Variants in MCC observed in about 807,000 individuals in gnomAD.
MCC encodes the protein colorectal mutant cancer protein.
In MCC, 90 loss-of-function variants were observed where a neutral mutation model predicts 116.2. That is an observed-to-expected ratio of 0.77 (90% CI 0.65 to 0.92). The LOEUF is 0.92. MCC is among the 40% of genes least tolerant of loss of function. MCC has a pLI of 0.00. For synonymous variants in MCC, 578 were observed against 510.5 expected (o/e 1.13, Z -1.78); for missense variants, 1,516 against 1,312.2 (o/e 1.16, Z -2.40).
intron 11 of MCC, among the ~76,000 whole-genome samples, chr5:113,080,815 C>CAAAAAAAAA (rs1236332931): frequency 4.5e-5 from 5 of 110,702 alleles, no homozygotes; most frequent in Non-Finnish European, 3.7e-5. Flanking sequence ...ACAACAACAA[C>CAAAAAAAAA]AAAAAAAAAA....
At chr5:113,459,825 A>AACACACACACACAC (rs5870543) in intron 1 of MCC, among the ~76,000 whole-genome samples, 2,343 of 147,586 alleles carry the variant, frequency 0.016, 42 homozygotes, top group Middle Eastern at 0.031. Context: ...CGCTATGGAA[A>AACACACACACACAC]ACACACACAC....
chr5:113,212,115 G>A (rs960402343), intron 3 of MCC, among the ~76,000 whole-genome samples: 20 of 152,066 alleles, frequency 1.3e-4, no homozygotes, highest in Admixed American at 1.2e-3. Context: ...AAAAACTAAT[G>A]GCTGTTTGAT....
chr5:113,155,228 T>A lies in MCC; in HGVS notation c.628-3806A>T, dbSNP rs1339903512. Among the ~76,000 whole-genome samples, 4 of 152,246 alleles carry A rather than the reference T, an allele frequency of 2.6e-5. No individual in the cohort carries two copies. The East Asian group carries it at 7.7e-4, about 29-fold the overall frequency. On this transcript the variant is annotated intron_variant, in intron 3 of 18. Coordinates refer to ENST00000408903, the MANE Select transcript of MCC (RefSeq NM_001085377.2). ...AATGACAGGATTTCACTCTTTATTA[T>A]GGCTGAATAATATTCCACTGTGCAT...
At chr5:113,116,170 C>T (rs996365559) in intron 6 of MCC, among the ~76,000 whole-genome samples, 5 of 152,178 alleles carry the variant, frequency 3.3e-5, no homozygotes, top group Admixed American at 6.5e-5. Flanking sequence ...CCTCCATTAG[C>T]ACTCATCCCA....
At chr5:113,458,295 G>A (rs575615006) in intron 1 of MCC, among the ~76,000 whole-genome samples, 2 of 152,110 alleles carry the variant, frequency 1.3e-5, no homozygotes, top group South Asian at 2.1e-4. Flanking sequence ...GCGAGACCAT[G>A]AGCCCACCGG....
At chr5:113,145,767 CACACACACACACACACAA>C (rs149667534) in intron 4 of MCC, among the ~76,000 whole-genome samples, 20,450 of 71,988 alleles carry the variant, frequency 0.28, 1,701 homozygotes, top group East Asian at 0.37. Context: ...CACACACACA[CACACACACACACACACAA>C]ACACACACAC....
chr5:113,115,709 A>C (rs941828238), intron 6 of MCC, among the ~76,000 whole-genome samples: 1 of 152,044 alleles, frequency 6.6e-6, no homozygotes, highest in Non-Finnish European at 1.5e-5. Context: ...TCTGCCAGAA[A>C]AGTTCTGTTT....
In MCC at chr5:113,098,687, T is replaced by G. The variant is rs181096042; in HGVS notation, c.1398+3052A>C. ...ATTAAAGATCTAATTTAATTAAATC[T>G]TGAACAAAGCTCAGAAGACCTACAG... is the stretch of plus-strand genomic sequence containing the variant. On this transcript the variant is annotated intron_variant, in intron 8 of 18. Transcript: ENST00000408903. Among the ~76,000 whole-genome samples, 357 of 152,320 alleles carry G rather than the reference T, an allele frequency of 2.3e-3. 2 individuals are homozygous for G. Among genetic ancestry groups the G allele is most frequent in the African/African-American group, 7.3e-3 (303 of 41,568 alleles).
chr5:113,040,712 A>C (rs1751648402), intron 17 of MCC, among the ~76,000 whole-genome samples: 1 of 152,134 alleles, frequency 6.6e-6, no homozygotes, highest in African/African-American at 2.4e-5. Flanking sequence ...CTATATTTAC[A>C]GTATCATTAT....
intron 14 of MCC, among the ~76,000 whole-genome samples, chr5:113,059,333 T>C (rs1010036089): frequency 1.1e-4 from 16 of 152,130 alleles, no homozygotes; most frequent in African/African-American, 3.9e-4. Flanking sequence ...CAATTCTGCT[T>C]TGAGCTCTTA....
intron 3 of MCC, among the ~76,000 whole-genome samples, chr5:113,274,427 T>C (rs892197980): frequency 6.6e-6 from 1 of 152,230 alleles, no homozygotes; most frequent in Non-Finnish European, 1.5e-5. Context: ...AGGCACAATC[T>C]TGGCTCACTG....
At chr5:113,277,656 T>A (rs1765879989) in intron 3 of MCC, among the ~76,000 whole-genome samples, 1 of 152,218 alleles carries the variant, frequency 6.6e-6, no homozygotes, top group Admixed American at 6.5e-5. Context: ...ATGTATTATA[T>A]ATACATAAAA....
intron 3 of MCC, among the ~76,000 whole-genome samples, chr5:113,158,435 T>C (rs1760295463): frequency 6.6e-6 from 1 of 152,222 alleles, no homozygotes; most frequent in African/African-American, 2.4e-5. Flanking sequence ...CTTCATACAC[T>C]TTACCTGTTC....
intron 3 of MCC, among the ~76,000 whole-genome samples, chr5:113,230,366 T>C (rs1247785197): frequency 6.6e-6 from 1 of 152,204 alleles, no homozygotes; most frequent in Non-Finnish European, 1.5e-5. Flanking sequence ...TTATATCTCA[T>C]ACATAAACAA....
intron 1 of MCC, among the ~76,000 whole-genome samples, chr5:113,475,853 C>T (rs17135647): frequency 0.032 from 4,890 of 152,182 alleles, 110 homozygotes; most frequent in East Asian, 0.076. Context: ...TTAGCTAGGC[C>T]GCATGTATGG....
intron 1 of MCC, among the ~76,000 whole-genome samples, chr5:113,447,589 C>T (rs1030822163): frequency 2.6e-5 from 4 of 152,054 alleles, no homozygotes; most frequent in Non-Finnish European, 4.4e-5. Flanking sequence ...ACACATGTTC[C>T]GTATGATTAC....
intron 3 of MCC, among the ~76,000 whole-genome samples, chr5:113,281,973 C>G (rs1042356121): frequency 6.6e-6 from 1 of 152,176 alleles, no homozygotes; most frequent in African/African-American, 2.4e-5. Context: ...TTACTAGGCA[C>G]TGTGATAATC....
Position 113,068,174 on chromosome 5 carries a change from G to T in MCC, c.1935C>A (p.Cys645Ter). 1 of 1,613,704 alleles carries T rather than the reference G, an allele frequency of 6.2e-7. No homozygotes were observed. The highest frequency in any genetic ancestry group is 8.5e-7 in the Non-Finnish European group (1 of 1,179,620). ...CCAGGAGGAGTTCGTAGGCTTCGAT[G>T]CACTGCTCGCTGAAACAAAGCACAT... ...LRLALQYSEQCIEAYELLLAL... is the reference protein window; with the variant it reads ...LRLALQYSEQ Residue 645 changes from cysteine (C) to a stop codon, truncating the protein, a stop_gained, in exon 13 of 19, where the codon TGC (cysteine) becomes TGA (stop). Transcript: ENST00000408903. LOFTEE classifies it high-confidence loss of function.
intron 3 of MCC, among the ~76,000 whole-genome samples, chr5:113,282,240 T>C (rs1766074488): frequency 6.6e-6 from 1 of 152,194 alleles, no homozygotes; most frequent in African/African-American, 2.4e-5. Context: ...TTCCTAGTCA[T>C]TCAACTTAGT....
Sources: gnomAD v4.1 joint callset for allele counts (sites outside exome capture counted in the v4.1 genomes callset) on GRCh38, gnomAD v4.1.1 for gene constraint, MANE v1.5 for transcripts, NCBI Gene and HGNC (gene_info 2026-07-23, HGNC 2026-07-21) for gene names.